The following PSD3 variants were observed in gnomAD, a reference collection of about 807,000 sequenced individuals.
PSD3 encodes pleckstrin and Sec7 domain containing 3, also known as PH and SEC7 domain-containing protein 3.
PSD3 carries 49 observed loss-of-function variants against 105.5 expected under a neutral mutation model. That is an observed-to-expected ratio of 0.46 (90% CI 0.37 to 0.59). The LOEUF (loss-of-function observed/expected upper bound fraction) is 0.59. Ranked by LOEUF, PSD3 falls within the 20% of genes least tolerant of loss-of-function variation. PSD3 has a pLI of 0.00. For synonymous variants in PSD3, 557 were observed against 457.8 expected (o/e 1.22, Z -2.77); for missense variants, 1,561 against 1,263.8 (o/e 1.24, Z -3.57).
chr8:18,844,045 T>C (rs950448386), intron 4 of PSD3, among the ~76,000 whole-genome samples: 1 of 152,020 alleles, frequency 6.6e-6, no homozygotes, highest in African/African-American at 2.4e-5. Flanking sequence ...GGGTTTTGAG[T>C]TCTGGTCCCA....
At chr8:18,647,996 T>A (rs1033583232) in intron 10 of PSD3, among the ~76,000 whole-genome samples, 2 of 152,224 alleles carry the variant, frequency 1.3e-5, no homozygotes, top group African/African-American at 4.8e-5. Flanking sequence ...GCACCACGCT[T>A]CCTGTGTAGC....
At chr8:19,030,394 G>T (rs764974821) in intron 1 of PSD3, among the ~76,000 whole-genome samples, 4 of 152,132 alleles carry the variant, frequency 2.6e-5, no homozygotes, top group Non-Finnish European at 5.9e-5. Context: ...ATCTCGTGTT[G>T]AATTGTAATC....
rs1052211751 is a variant in PSD3 at position 18,535,491 on chromosome 8, C to T, written c.*252G>A. On this transcript the variant is annotated 3_prime_UTR_variant, in exon 16 of 16. Transcript: ENST00000327040. ...AAAGAGAAGGGATACATAATTCATTCTGAAATCACGATCCCCTCCTCCTCA... is the reference window on the plus strand; with the variant it reads ...AAAGAGAAGGGATACATAATTCATTTTGAAATCACGATCCCCTCCTCCTCA... The T allele has an allele frequency of 6.1e-6, 3 of 494,028 alleles. No homozygotes were observed. In the Admixed American group the frequency reaches 1.0e-4, roughly 17 times the overall value. The allele number at this position is 494,028 out of a possible 1,614,324, so 30.6% of individuals were successfully genotyped here.
chr8:18,816,938 C>G (rs1189254138), intron 4 of PSD3, among the ~76,000 whole-genome samples: 4 of 152,196 alleles, frequency 2.6e-5, no homozygotes, highest in Non-Finnish European at 5.9e-5. Flanking sequence ...ATTCACAGCA[C>G]TCAGAAAGTA....
chr8:18,748,399 A>G (rs1057205981), intron 9 of PSD3, among the ~76,000 whole-genome samples: 4 of 152,132 alleles, frequency 2.6e-5, no homozygotes, highest in African/African-American at 7.2e-5. Context: ...GATGGCTCAC[A>G]CCTGTAATCC....
chr8:18,963,260 C>G (rs1018322628), intron 1 of PSD3, among the ~76,000 whole-genome samples: 3 of 152,162 alleles, frequency 2.0e-5, no homozygotes, highest in Non-Finnish European at 2.9e-5. Flanking sequence ...GCATACAATT[C>G]AAGATGAGAT....
At chr8:18,579,794 A>T (rs528985348) in intron 12 of PSD3, among the ~76,000 whole-genome samples, 32 of 152,328 alleles carry the variant, frequency 2.1e-4, no homozygotes, top group Admixed American at 9.8e-4. Flanking sequence ...TTATCAATTT[A>T]AAAAGCATAT....
At chr8:19,017,266 G>A (rs1315538213), upstream of PSD3, among the ~76,000 whole-genome samples, 1 of 151,980 alleles carries the variant, frequency 6.6e-6, no homozygotes, top group Non-Finnish European at 1.5e-5. Flanking sequence ...CTAGGCTAGT[G>A]TCCAACTCCT....
intron 1 of PSD3, among the ~76,000 whole-genome samples, chr8:19,044,817 C>A (rs1317896183): frequency 6.6e-6 from 1 of 152,044 alleles, no homozygotes; most frequent in African/African-American, 2.4e-5. Context: ...GGTGGAGAGA[C>A]GGGAAAGATT....
intron 9 of PSD3, among the ~76,000 whole-genome samples, chr8:18,746,375 C>T (rs1238991819): frequency 6.6e-6 from 1 of 152,106 alleles, no homozygotes; most frequent in African/African-American, 2.4e-5. Flanking sequence ...ACATTCTTCT[C>T]CATCCTCCTC....
chr8:18,661,995 T>TC, intron 9 of PSD3, among the ~76,000 whole-genome samples: 1 of 152,096 alleles, frequency 6.6e-6, no homozygotes, highest in Non-Finnish European at 1.5e-5. Flanking sequence ...CTTGAATTTT[T>TC]TTTTTTTCAC....
chr8:18,796,547 A>T (rs1168405497), intron 8 of PSD3, among the ~76,000 whole-genome samples: 2 of 152,226 alleles, frequency 1.3e-5, no homozygotes. Context: ...CCATTATTTT[A>T]TTAGTAAGGA....
intron 2 of PSD3, among the ~76,000 whole-genome samples, chr8:18,923,530 C>T (rs1275743491): frequency 6.6e-6 from 1 of 152,220 alleles, no homozygotes; most frequent in Admixed American, 6.5e-5. Context: ...CATATTTTCA[C>T]TGTACCTTTT....
chr8:18,791,449 A>T (rs953392515), intron 8 of PSD3, among the ~76,000 whole-genome samples: 1 of 152,178 alleles, frequency 6.6e-6, no homozygotes, highest in African/African-American at 2.4e-5. Context: ...TCTGATCTTC[A>T]GCAAACCTGA....
intron 1 of PSD3, among the ~76,000 whole-genome samples, chr8:18,976,049 A>G (rs887835731): frequency 1.3e-5 from 2 of 152,196 alleles, no homozygotes; most frequent in Admixed American, 6.5e-5. Context: ...TGCTCTTGAC[A>G]GCATTGTAAT....
rs1010397168 is a variant in PSD3, at chr8:18,997,741, C to T, written c.21+15822G>A. 2.0e-5 allele frequency among the ~76,000 whole-genome samples: 3 copies of T among 150,190 alleles called. 1 individual carries two copies. The highest frequency in any genetic ancestry group is 4.4e-5 in the Non-Finnish European group (3 of 67,462). ...CAGGAAGTATGGCTCTGCCTCAGGG[C>T]TCTGCACCTGCTGTGCCCTCTTCCC... is the stretch of plus-strand genomic sequence containing the variant. On this transcript the variant is annotated intron_variant, in intron 1 of 15. Transcript: ENST00000327040.
intron 12 of PSD3, among the ~76,000 whole-genome samples, chr8:18,600,061 T>C (rs1274765904): frequency 6.6e-6 from 1 of 152,110 alleles, no homozygotes; most frequent in Non-Finnish European, 1.5e-5. Flanking sequence ...ATCACAGAGA[T>C]GTCTATTAAG....
intron 9 of PSD3, among the ~76,000 whole-genome samples, chr8:18,672,926 A>G (rs1189387353): frequency 6.6e-6 from 1 of 152,214 alleles, no homozygotes; most frequent in East Asian, 1.9e-4. Flanking sequence ...AAATTATTCC[A>G]GTCTCGTATG....
intron 9 of PSD3, among the ~76,000 whole-genome samples, chr8:18,691,951 AT>A (rs1800994063): frequency 6.6e-6 from 1 of 152,232 alleles, no homozygotes; most frequent in African/African-American, 2.4e-5. Context: ...ATTTTCATTT[AT>A]CAAAAGTCCT....
Sources: gnomAD v4.1 joint callset for allele counts (sites outside exome capture counted in the v4.1 genomes callset) on GRCh38, gnomAD v4.1.1 for gene constraint, MANE v1.5 for transcripts, NCBI Gene and HGNC (gene_info 2026-07-23, HGNC 2026-07-21) for gene names.